Variants in PTPRD observed in about 807,000 individuals in gnomAD.
PTPRD encodes receptor-type tyrosine-protein phosphatase delta.
A neutral mutation model predicts 214.5 loss-of-function variants in PTPRD; 34 were observed. The observed-to-expected ratio is 0.16, with a 90% CI of 0.12 to 0.21. The LOEUF is 0.21. Ranked by LOEUF, PTPRD falls within the 10% of genes least tolerant of loss-of-function variation. The pLI is 1.00. For missense variants in PTPRD, 2,545 were observed against 2,398.7 expected (o/e 1.06, Z -1.27); for synonymous variants, 1,128 against 845.7 (o/e 1.33, Z -5.79).
intron 5 of PTPRD, among the ~76,000 whole-genome samples, chr9:9,826,507 C>G (rs2052903556): frequency 6.6e-6 from 1 of 151,794 alleles, no homozygotes; most frequent in African/African-American, 2.4e-5. Context: ...GAGACAGTAC[C>G]ATTATAAAGT....
In PTPRD at chr9:9,562,458, T is replaced by C. The variant is rs541777702; in HGVS notation, c.-237+12274A>G. Among the ~76,000 whole-genome samples the C allele has an allele frequency of 3.3e-5, 5 of 152,330 alleles. No homozygotes were observed. In the South Asian group the frequency reaches 1.0e-3, roughly 32 times the overall value. Reference sequence around the variant, plus strand: ...GATAATTACCTTAGTATCATCCTTCTGCTTAAAATCCTTCAATGGCTTCTC... The same window carrying C: ...GATAATTACCTTAGTATCATCCTTCCGCTTAAAATCCTTCAATGGCTTCTC... On this transcript the variant is annotated intron_variant, in intron 8 of 45. Coordinates refer to ENST00000381196, the MANE Select transcript of PTPRD (RefSeq NM_002839.4).
chr9:9,139,903 A>G (rs541077328), intron 10 of PTPRD, among the ~76,000 whole-genome samples: 197 of 152,278 alleles, frequency 1.3e-3, no homozygotes, highest in African/African-American at 4.5e-3. Flanking sequence ...GTAAAAATAT[A>G]AAAAGGATAA....
At chr9:8,773,056 A>G (rs2095303839) in intron 11 of PTPRD, among the ~76,000 whole-genome samples, 1 of 152,226 alleles carries the variant, frequency 6.6e-6, no homozygotes, top group South Asian at 2.1e-4. Context: ...AATGTACTCT[A>G]CTGAATGGCC....
rs1266009020 is a variant in PTPRD, at chr9:10,049,407, A to AG, written c.-544-15618_-544-15617insC. 8.0e-3 allele frequency among the ~76,000 whole-genome samples: 923 copies of AG among 115,704 alleles called. 10 individuals carry two copies. The highest frequency in any genetic ancestry group is 0.012 in the Non-Finnish European group (705 of 57,816). 75.9% of individuals were successfully genotyped at this position (115,704 alleles called of 152,430 possible). On this transcript the variant is annotated intron_variant, in intron 3 of 45. Coordinates refer to ENST00000381196, the MANE Select transcript of PTPRD (RefSeq NM_002839.4). ...AAGCAGCTTCTCTGGTTAAAAAAAAAAAAGAAAGAAAGAAAGAAAGAAAGA... is the reference window on the plus strand; with the variant it reads ...AAGCAGCTTCTCTGGTTAAAAAAAAAGAAAGAAAGAAAGAAAGAAAGAAAGA...
At chr9:9,408,149 T>C (rs545235663) in intron 8 of PTPRD, among the ~76,000 whole-genome samples, 5 of 151,944 alleles carry the variant, frequency 3.3e-5, no homozygotes, top group South Asian at 2.1e-4. Context: ...AGTATAGTGA[T>C]TGAATCATTA....
At chr9:9,944,606 C>G (rs114509361) in intron 4 of PTPRD, among the ~76,000 whole-genome samples, 8 of 152,020 alleles carry the variant, frequency 5.3e-5, no homozygotes, top group Admixed American at 2.0e-4. Flanking sequence ...ATGTGTATAA[C>G]TGGGTGAAGA....
At chr9:9,824,368 C>A (rs1393845142) in intron 5 of PTPRD, among the ~76,000 whole-genome samples, 1 of 151,880 alleles carries the variant, frequency 6.6e-6, no homozygotes, top group African/African-American at 2.4e-5. Context: ...TTTGACATAG[C>A]ACAGTATTTT....
chr9:8,970,007 C>G (rs567867456), intron 11 of PTPRD, among the ~76,000 whole-genome samples: 1 of 151,822 alleles, frequency 6.6e-6, no homozygotes, highest in Non-Finnish European at 1.5e-5. Context: ...CAAGTAGAAA[C>G]CACTAGATGA....
intron 2 of PTPRD, among the ~76,000 whole-genome samples, chr9:10,516,365 T>G (rs1043462951): frequency 6.6e-6 from 1 of 151,980 alleles, no homozygotes; most frequent in Non-Finnish European, 1.5e-5. Flanking sequence ...GCCATTTTTA[T>G]GTCTTCTTTG....
At chr9:10,550,094 G>T (rs1029681859) in intron 2 of PTPRD, among the ~76,000 whole-genome samples, 5 of 152,170 alleles carry the variant, frequency 3.3e-5, no homozygotes, top group Admixed American at 6.5e-5. Flanking sequence ...AGAGAAAAGT[G>T]ACTTAAGGGA....
At chr9:9,154,482 A>G (rs943497302) in intron 10 of PTPRD, among the ~76,000 whole-genome samples, 2 of 152,264 alleles carry the variant, frequency 1.3e-5, no homozygotes, top group Admixed American at 1.3e-4. Context: ...AGCAAGTGCT[A>G]GCCTTCTGGT....
intron 3 of PTPRD, among the ~76,000 whole-genome samples, chr9:10,129,499 CTTTTTTTTT>C (rs35281382): frequency 1.6e-5 from 2 of 125,824 alleles, no homozygotes; most frequent in Non-Finnish European, 3.3e-5. Flanking sequence ...TTTTTCTTTC[CTTTTTTTTT>C]TTTTTTTTCT....
At chr9:9,919,406 T>C (rs1296139379) in intron 5 of PTPRD, among the ~76,000 whole-genome samples, 2 of 152,126 alleles carry the variant, frequency 1.3e-5, no homozygotes, top group African/African-American at 4.8e-5. Flanking sequence ...TTTCAACTCA[T>C]GTGCCATTTT....
At chr9:9,922,141 A>AC (rs2082727018) in intron 5 of PTPRD, among the ~76,000 whole-genome samples, 1 of 152,094 alleles carries the variant, frequency 6.6e-6, no homozygotes, top group African/African-American at 2.4e-5. Flanking sequence ...TGAGCAACTC[A>AC]CCACTTGGAA....
chr9:9,120,617 A>G (rs1362469208), intron 10 of PTPRD, among the ~76,000 whole-genome samples: 2 of 152,244 alleles, frequency 1.3e-5, no homozygotes, highest in African/African-American at 4.8e-5. Context: ...GTGGTTCTCA[A>G]TCATGAAGCA....
intron 2 of PTPRD, among the ~76,000 whole-genome samples, chr9:10,453,982 G>C (rs1033647715): frequency 6.6e-6 from 1 of 151,432 alleles, no homozygotes; most frequent in African/African-American, 2.4e-5. Flanking sequence ...CAATAGGCTG[G>C]TATTTAAAGT....
chr9:10,347,204 G>A (rs1456212665), intron 2 of PTPRD, among the ~76,000 whole-genome samples: 1 of 151,442 alleles, frequency 6.6e-6, no homozygotes, highest in Non-Finnish European at 1.5e-5. Context: ...TTATTCAATG[G>A]GGCTAGTCCA....
intron 4 of PTPRD, among the ~76,000 whole-genome samples, chr9:9,988,203 T>A (rs2095789596): frequency 6.6e-6 from 1 of 152,180 alleles, no homozygotes; most frequent in South Asian, 2.1e-4. Flanking sequence ...TTATTGAACA[T>A]CAATATGATA....
At chr9:9,540,724 A>G (rs2077419074) in intron 8 of PTPRD, among the ~76,000 whole-genome samples, 1 of 151,846 alleles carries the variant, frequency 6.6e-6, no homozygotes, top group Non-Finnish European at 1.5e-5. Context: ...GGAAGTTGAG[A>G]TAAAATCTCC....
Sources: gnomAD v4.1 joint callset for allele counts (sites outside exome capture counted in the v4.1 genomes callset) on GRCh38, gnomAD v4.1.1 for gene constraint, MANE v1.5 for transcripts, NCBI Gene and HGNC (gene_info 2026-07-23, HGNC 2026-07-21) for gene names.